PLCG2: variants seen among roughly 807,000 people sequenced by gnomAD.
The protein encoded by PLCG2 is phospholipase C gamma 2.
A neutral mutation model predicts 175.6 loss-of-function variants in PLCG2; 69 were observed. The observed-to-expected ratio is 0.39, with a 90% CI of 0.32 to 0.48. PLCG2 has a LOEUF of 0.48. Among genes scored for constraint, PLCG2 ranks in the 20% least tolerant of loss-of-function variants. The pLI is 0.91. For missense variants in PLCG2, 1,798 were observed against 1,650.9 expected (o/e 1.09, Z -1.54); for synonymous variants, 827 against 624.0 (o/e 1.33, Z -4.85).
At chr16:81,820,251 C>T (rs994558231) in intron 2 of PLCG2, among the ~76,000 whole-genome samples, 21 of 152,282 alleles carry the variant, frequency 1.4e-4, no homozygotes, top group Admixed American at 3.3e-4. Flanking sequence ...CTAATTGAGA[C>T]ACAGAACACC....
chr16:81,806,684 A>G (rs1184033273), intron 2 of PLCG2, among the ~76,000 whole-genome samples: 1 of 152,042 alleles, frequency 6.6e-6, no homozygotes, highest in Non-Finnish European at 1.5e-5. Flanking sequence ...GAATGCTGAA[A>G]GGGGGATCAT....
chr16:81,916,589 TTG>T (rs869266456), intron 19 of PLCG2, among the ~76,000 whole-genome samples: 12 of 75,650 alleles, frequency 1.6e-4, no homozygotes, highest in Admixed American at 4.4e-4. Flanking sequence ...CATTTTTTTT[TTG>T]TGTGTGGTGA....
At chr16:81,927,970 G>A (rs1473895093) in intron 23 of PLCG2, among the ~76,000 whole-genome samples, 1 of 152,140 alleles carries the variant, frequency 6.6e-6, no homozygotes, top group Non-Finnish European at 1.5e-5. Context: ...GCATTTACCT[G>A]GTGCAGGGGG....
intron 2 of PLCG2, among the ~76,000 whole-genome samples, chr16:81,817,229 G>A (rs377157246): frequency 1.6e-4 from 25 of 152,072 alleles, no homozygotes. Context: ...GCCGAGATCC[G>A]ATGGGAAGAA....
chr16:81,931,248 G>A (rs987888806), intron 24 of PLCG2: 1 of 349,820 alleles, frequency 2.9e-6, no homozygotes, highest in African/African-American at 2.1e-5. Context: ...GACCCTATAA[G>A]GTCCCATTCA....
intron 1 of PLCG2, among the ~76,000 whole-genome samples, chr16:81,747,239 A>C (rs1909723456): frequency 6.6e-6 from 1 of 152,194 alleles, no homozygotes; most frequent in South Asian, 2.1e-4. Flanking sequence ...ACAAAAGTTT[A>C]AGAATATTAA....
intron 1 of PLCG2, among the ~76,000 whole-genome samples, chr16:81,751,859 T>A (rs999501478): frequency 1.3e-5 from 2 of 151,894 alleles, no homozygotes; most frequent in African/African-American, 4.8e-5. Flanking sequence ...TTGTCTCTAC[T>A]AAAAATATAA....
chr16:81,797,312 C>T (rs1449045235), intron 2 of PLCG2, among the ~76,000 whole-genome samples: 1 of 152,082 alleles, frequency 6.6e-6, no homozygotes, highest in African/African-American at 2.4e-5. Context: ...ACTACCTGTC[C>T]CCTAGTCTGT....
rs1555509092 is a variant in PLCG2, at chr16:81,816,651, A to ACTTTTTTTTTTTTTTTTTTTTTTT, written c.193+30469_193+30470insCTTTTTTTTTTTTTTTTTTTTTTT. 9.2e-5 allele frequency among the ~76,000 whole-genome samples: 10 copies of ACTTTTTTTTTTTTTTTTTTTTTTT among 108,858 alleles called. 5 individuals carry two copies. The highest frequency in any genetic ancestry group is 6.2e-4 in the South Asian group (2 of 3,244). The allele number at this position is 108,858 out of a possible 152,430, so 71.4% of individuals were successfully genotyped here. ...GCACCACCATGCCCAGCTAATTTTAATTTTTTTTTTTTTTTTTTTTTTTTT... is the reference window on the plus strand; with the variant it reads ...GCACCACCATGCCCAGCTAATTTTAACTTTTTTTTTTTTTTTTTTTTTTTTTTTTTTTTTTTTTTTTTTTTTTTT... On this transcript the variant is annotated intron_variant, in intron 2 of 32. Coordinates refer to ENST00000564138, the MANE Select transcript of PLCG2 (RefSeq NM_002661.5).
At chr16:81,845,797 C>A (rs1303883084) in intron 2 of PLCG2, among the ~76,000 whole-genome samples, 1 of 152,220 alleles carries the variant, frequency 6.6e-6, no homozygotes, top group Non-Finnish European at 1.5e-5. Flanking sequence ...TGCCCACCGA[C>A]CCCCTCAGAC....
At chr16:81,830,510 T>C (rs1219725370) in intron 2 of PLCG2, among the ~76,000 whole-genome samples, 1 of 152,036 alleles carries the variant, frequency 6.6e-6, no homozygotes, top group Non-Finnish European at 1.5e-5. Flanking sequence ...TTTCACCACG[T>C]TGGCCATGCT....
intron 7 of PLCG2, among the ~76,000 whole-genome samples, chr16:81,876,730 C>T (rs528220072): frequency 6.6e-6 from 1 of 152,290 alleles, no homozygotes; most frequent in East Asian, 1.9e-4. Context: ...TGGGAAGGTC[C>T]TGGGATGTTG....
Position 81,859,226 on chromosome 16 carries a change from C to A in PLCG2, c.479+63C>A. ...TTCGATCCTCATTCTATCTTTAAACCTTCCAAGGGGGTGGGAGCATGACTT... is the reference window on the plus strand; with the variant it reads ...TTCGATCCTCATTCTATCTTTAAACATTCCAAGGGGGTGGGAGCATGACTT... On this transcript the variant is annotated intron_variant, in intron 5 of 32. Transcript: ENST00000564138. 8 of 1,073,878 alleles carry A rather than the reference C, an allele frequency of 7.4e-6. No homozygotes were observed. The Admixed American group carries it at 1.0e-4, about 14-fold the overall frequency. The allele number at this position is 1,073,878 out of a possible 1,614,324, so 66.5% of individuals were successfully genotyped here.
intron 12 of PLCG2, 62 bp from the exon 13 acceptor site, chr16:81,895,745 G>C: frequency 6.3e-7 from 1 of 1,597,526 alleles, no homozygotes. Context: ...TGGGCCGGGG[G>C]CTGACCTCGG....
intron 2 of PLCG2, among the ~76,000 whole-genome samples, chr16:81,769,919 T>C (rs1910241642): frequency 6.6e-6 from 1 of 150,768 alleles, no homozygotes; most frequent in African/African-American, 2.4e-5. Flanking sequence ...GCTTAATGCC[T>C]CTGAGCCTCG....
chr16:81,744,068 C>G (rs1003116621), intron 1 of PLCG2, among the ~76,000 whole-genome samples: 2 of 151,822 alleles, frequency 1.3e-5, no homozygotes, highest in African/African-American at 4.8e-5. Flanking sequence ...CTGTGTTGGC[C>G]AGGATGGTCT....
intron 2 of PLCG2, among the ~76,000 whole-genome samples, chr16:81,848,149 G>A (rs1317308904): frequency 6.6e-6 from 1 of 152,222 alleles, no homozygotes; most frequent in Admixed American, 6.5e-5. Flanking sequence ...TAGTAGAACA[G>A]GATCAAGAGC....
At chr16:81,839,832 C>T (rs143229201) in intron 2 of PLCG2, among the ~76,000 whole-genome samples, 4 of 152,292 alleles carry the variant, frequency 2.6e-5, no homozygotes, top group African/African-American at 4.8e-5. Context: ...GGGAGGATCA[C>T]TTGAGGCCAG....
In PLCG2 at chr16:81,889,961, AG is replaced by A. The variant is rs575702460; in HGVS notation, c.867+691del. Among the ~76,000 whole-genome samples the A allele has an allele frequency of 1.6e-3, 247 of 151,988 alleles. 2 individuals carry two copies. The highest frequency in any genetic ancestry group is 0.01 in the Middle Eastern group (3 of 292). Reference sequence around the variant, plus strand: ...TGAGCCACCGCACCTGGCGGAGGCTAGGGTTTTTTTTTAAAGATTGTTTGGC... The same window carrying A: ...TGAGCCACCGCACCTGGCGGAGGCTAGGTTTTTTTTTAAAGATTGTTTGGC... On this transcript the variant is annotated intron_variant, in intron 10 of 32. Coordinates refer to ENST00000564138, the MANE Select transcript of PLCG2 (RefSeq NM_002661.5).
Sources: allele counts gnomAD v4.1 joint callset (sites outside exome capture counted in the v4.1 genomes callset), GRCh38; gene constraint gnomAD v4.1.1; transcripts MANE v1.5; gene names NCBI Gene and HGNC (gene_info 2026-07-23, HGNC 2026-07-21).